The following PTPRD variants were observed in gnomAD, a reference collection of about 807,000 sequenced individuals.
The protein encoded by PTPRD is receptor-type tyrosine-protein phosphatase delta.
PTPRD carries 34 observed loss-of-function variants against 214.5 expected under a neutral mutation model. The observed-to-expected ratio is 0.16, with a 90% confidence interval of 0.12 to 0.21. PTPRD has a LOEUF of 0.21. Ranked by LOEUF, PTPRD falls within the 10% of genes least tolerant of loss-of-function variation. The pLI is 1.00. For synonymous variants in PTPRD, 1,128 were observed against 845.7 expected, an observed-to-expected ratio of 1.33 and a Z score of -5.79; for missense variants, 2,545 against 2,398.7, an observed-to-expected ratio of 1.06 and a Z score of -1.27.
rs2062917857 is a variant in PTPRD, at chr9:9,383,431, A to G, written c.-203+14018T>C. ...TAAGAGAATTTGTATAATGTGATTT[A>G]CAAAGTACTAACTGAACTTATTAAT... On this transcript the variant is annotated intron_variant, in intron 9 of 45. Transcript: ENST00000381196. 4.6e-5 allele frequency among the ~76,000 whole-genome samples: 7 copies of G among 152,294 alleles called. No individual in the cohort carries two copies. In the South Asian group the frequency reaches 1.5e-3, roughly 32 times the overall value.
At chr9:10,276,733 T>C (rs1292638129) in intron 3 of PTPRD, among the ~76,000 whole-genome samples, 4 of 152,222 alleles carry the variant, frequency 2.6e-5, no homozygotes, top group African/African-American at 4.8e-5. Flanking sequence ...GGACTAATCA[T>C]GTCAGAACAG....
At chr9:10,322,359 G>A (rs1366051058) in intron 3 of PTPRD, among the ~76,000 whole-genome samples, 2 of 152,058 alleles carry the variant, frequency 1.3e-5, no homozygotes, top group African/African-American at 2.4e-5. Context: ...ATGTTAGGAA[G>A]ACACAATTGC....
intron 7 of PTPRD, among the ~76,000 whole-genome samples, chr9:9,687,420 G>A (rs576725760): frequency 2.6e-5 from 4 of 151,836 alleles, no homozygotes; most frequent in Non-Finnish European, 4.4e-5. Flanking sequence ...GTTTCCTGAT[G>A]GGTAAACAGC....
At chr9:9,569,272 C>A (rs1430199314) in intron 8 of PTPRD, among the ~76,000 whole-genome samples, 1 of 148,748 alleles carries the variant, frequency 6.7e-6, no homozygotes. Flanking sequence ...TTCTACAGAG[C>A]AGAGGGGAAA....
intron 2 of PTPRD, chr9:10,532,302 G>C (rs1232392296): frequency 1.3e-5 from 2 of 154,554 alleles, no homozygotes; most frequent in Admixed American, 6.4e-5. Flanking sequence ...AAAATTGACA[G>C]AGAGGGACAA....
At chr9:9,466,949 G>C (rs1035281346) in intron 8 of PTPRD, among the ~76,000 whole-genome samples, 5 of 152,110 alleles carry the variant, frequency 3.3e-5, no homozygotes, top group African/African-American at 1.2e-4. Context: ...AATTTTGAGA[G>C]GATTTTCTTG....
At chr9:9,931,784 A>C (rs2086712874) in intron 5 of PTPRD, among the ~76,000 whole-genome samples, 2 of 151,932 alleles carry the variant, frequency 1.3e-5, no homozygotes, top group South Asian at 4.2e-4. Context: ...GGGCACAGAC[A>C]AACAAAAAGA....
At chr9:8,459,776 T>A (rs892383152) in intron 33 of PTPRD, among the ~76,000 whole-genome samples, 5 of 152,076 alleles carry the variant, frequency 3.3e-5, no homozygotes, top group African/African-American at 1.2e-4. Context: ...TTATATTTTT[T>A]AAAAAAGGAA....
chr9:9,821,701 C>T (rs2153574895), intron 5 of PTPRD, among the ~76,000 whole-genome samples: 1 of 151,812 alleles, frequency 6.6e-6, no homozygotes, highest in African/African-American at 2.4e-5. Flanking sequence ...ATCAATAGCC[C>T]TCTGAAATAG....
At chr9:9,768,147 T>G (rs1277761785) in intron 5 of PTPRD, among the ~76,000 whole-genome samples, 1 of 152,120 alleles carries the variant, frequency 6.6e-6, no homozygotes, top group Admixed American at 6.5e-5. Context: ...AAACTAGTCT[T>G]TTTCACACCT....
At chr9:10,011,324 AT>A (rs2096595789) in intron 4 of PTPRD, among the ~76,000 whole-genome samples, 2 of 151,884 alleles carry the variant, frequency 1.3e-5, no homozygotes, top group Non-Finnish European at 2.9e-5. Flanking sequence ...ATTGTTTCCA[AT>A]TTTCTTTTCC....
At chr9:10,190,435 G>T (rs577260492) in intron 3 of PTPRD, among the ~76,000 whole-genome samples, 52 of 139,754 alleles carry the variant, frequency 3.7e-4, no homozygotes, top group African/African-American at 1.4e-3. Context: ...AAGTCAAAGT[G>T]GGCCAGGCGC....
chr9:9,177,632 T>C (rs1172867299), intron 10 of PTPRD, among the ~76,000 whole-genome samples: 1 of 152,228 alleles, frequency 6.6e-6, no homozygotes, highest in Admixed American at 6.5e-5. Flanking sequence ...TGATGATCTT[T>C]TAAAAATAAT....
intron 29 of PTPRD, among the ~76,000 whole-genome samples, 200 bp from the exon 30 acceptor site, chr9:8,484,578 T>C (rs2096956559): frequency 8.0e-6 from 1 of 124,964 alleles, no homozygotes; most frequent in Non-Finnish European, 1.7e-5. Context: ...TGATAAAATG[T>C]TTCCAAGTCT....
At chr9:9,440,432 A>G (rs1441154109) in intron 8 of PTPRD, among the ~76,000 whole-genome samples, 2 of 152,208 alleles carry the variant, frequency 1.3e-5, no homozygotes, top group Admixed American at 1.3e-4. Context: ...ATTAATTTGC[A>G]TGGTGGGAAA....
intron 11 of PTPRD, among the ~76,000 whole-genome samples, chr9:8,788,205 G>A (rs904227109): frequency 1.0e-4 from 15 of 150,128 alleles, no homozygotes; most frequent in African/African-American, 3.4e-4. Context: ...GAGTAACCAT[G>A]GCCATAATGG....
chr9:8,471,381 C>G (rs1359769987), intron 30 of PTPRD, among the ~76,000 whole-genome samples: 2 of 152,056 alleles, frequency 1.3e-5, no homozygotes, highest in Non-Finnish European at 1.5e-5. Context: ...TGGTGCTGGA[C>G]ACATACAAGG....
In PTPRD at chr9:9,755,988, C is replaced by T. The variant is rs369356789; in HGVS notation, c.-326+10822G>A. Among the ~76,000 whole-genome samples, 372 of 151,648 alleles carry T rather than the reference C, an allele frequency of 2.5e-3. 3 individuals carry two copies. The highest frequency in any genetic ancestry group is 8.5e-3 in the African/African-American group (350 of 41,388). On this transcript the variant is annotated intron_variant, in intron 6 of 45. Coordinates refer to ENST00000381196, the MANE Select transcript of PTPRD (RefSeq NM_002839.4). ...CTTATCAAGTAGAAAATAATTAGAC[C>T]GAGGTTAGAGCTGCTGTCAGCTGTT...
chr9:10,088,440 T>G (rs958876785), intron 3 of PTPRD, among the ~76,000 whole-genome samples: 13 of 151,768 alleles, frequency 8.6e-5, no homozygotes, highest in African/African-American at 2.9e-4. Context: ...ACAAATGATT[T>G]AGTGTTAGGA....
Sources: allele counts gnomAD v4.1 joint callset (sites outside exome capture counted in the v4.1 genomes callset), GRCh38; gene constraint gnomAD v4.1.1; transcripts MANE v1.5; gene names NCBI Gene and HGNC (gene_info 2026-07-23, HGNC 2026-07-21).